The following GALNT14 variants were observed in gnomAD, a reference collection of about 807,000 sequenced individuals.
GALNT14 encodes the protein polypeptide N-acetylgalactosaminyltransferase 14.
GALNT14 carries 60 observed loss-of-function variants against 77.5 expected under a neutral mutation model. That is an observed-to-expected ratio of 0.77 (90% CI 0.63 to 0.96). GALNT14 has a LOEUF of 0.96. Ranked by LOEUF, GALNT14 falls within the 40% of genes least tolerant of loss-of-function variation. The pLI is 0.00. For synonymous variants in GALNT14, 280 were observed against 281.7 expected (o/e 0.99, Z 0.06); for missense variants, 710 against 731.0 (o/e 0.97, Z 0.33).
chr2:31,035,113 T>C (rs1185481337), intron 1 of GALNT14, among the ~76,000 whole-genome samples: 2 of 152,210 alleles, frequency 1.3e-5, no homozygotes, highest in African/African-American at 4.8e-5. Context: ...GCCAAGTTAG[T>C]TTGCGGTGTT....
chr2:30,906,970 A>C (rs1664160769), downstream of GALNT14, among the ~76,000 whole-genome samples: 1 of 152,264 alleles, frequency 6.6e-6, no homozygotes, highest in South Asian at 2.1e-4. Context: ...CTGGGTACAT[A>C]ATGAAATGAA....
chr2:30,995,735 G>A (rs7590752), intron 1 of GALNT14, among the ~76,000 whole-genome samples: 46,399 of 152,080 alleles, frequency 0.31, 7,734 homozygotes, highest in African/African-American at 0.43. Context: ...CCTAGCTTCA[G>A]GCAATCCTTC....
At chr2:30,969,197 A>G (rs540574250) in intron 2 of GALNT14, among the ~76,000 whole-genome samples, 5 of 152,188 alleles carry the variant, frequency 3.3e-5, no homozygotes, top group Non-Finnish European at 7.3e-5. Context: ...GCCCAAGCAG[A>G]GTGACTCAGC....
chr2:31,113,844 C>T (rs142215438), intron 1 of GALNT14, among the ~76,000 whole-genome samples: 106 of 152,198 alleles, frequency 7.0e-4, no homozygotes, highest in African/African-American at 2.2e-3. Context: ...TGGGTAACTG[C>T]CAAATTTCAC....
At position 30,912,357 on chromosome 2, in the gene GALNT14, A is replaced by G; in HGVS notation, c.1381-15T>C. ...AAGGCCCATACCTGGGGAGAAAGAG[A>G]CCAGGAAGGTTTGTTCAGGATCCAG... On this transcript the variant is annotated splice_polypyrimidine_tract_variant and intron_variant, in intron 13 of 14. Coordinates refer to ENST00000349752, the MANE Select transcript of GALNT14 (RefSeq NM_024572.4). The G allele has an allele frequency of 6.2e-7, 1 of 1,613,306 alleles. No individual in the cohort carries two copies. The highest frequency in any genetic ancestry group is 1.7e-5 in the Admixed American group (1 of 59,944).
At chr2:31,059,670 A>T (rs1674465280) in intron 1 of GALNT14, among the ~76,000 whole-genome samples, 1 of 152,154 alleles carries the variant, frequency 6.6e-6, no homozygotes, top group Non-Finnish European at 1.5e-5. Flanking sequence ...GTGCCACTGC[A>T]CTCCAGCCTA....
intron 1 of GALNT14, among the ~76,000 whole-genome samples, chr2:31,117,922 G>A (rs1196235238): frequency 1.3e-5 from 2 of 152,128 alleles, no homozygotes; most frequent in African/African-American, 4.8e-5. Flanking sequence ...CACATTATCT[G>A]GCAGAAGGAG....
chr2:31,108,787 C>T (rs1677692217), intron 1 of GALNT14, among the ~76,000 whole-genome samples: 1 of 152,172 alleles, frequency 6.6e-6, no homozygotes, highest in East Asian at 1.9e-4. Context: ...CTAGCAGGCA[C>T]CCAGCATTCC....
intron 1 of GALNT14, among the ~76,000 whole-genome samples, chr2:31,024,165 AAT>A (rs1671903032): frequency 6.6e-6 from 1 of 151,916 alleles, no homozygotes; most frequent in Non-Finnish European, 1.5e-5. Flanking sequence ...TCCTCCTTGA[AAT>A]ATACTCCATG....
At chr2:30,904,617 A>G in the GALNT14 span, among the ~76,000 whole-genome samples, 10 of 152,146 alleles carry the variant, frequency 6.6e-5, no homozygotes, top group South Asian at 4.1e-4. Flanking sequence ...ACTGCAAGGC[A>G]GCAGCGAGGC....
intron 1 of GALNT14, among the ~76,000 whole-genome samples, chr2:31,137,146 T>C (rs1327223612): frequency 6.6e-6 from 1 of 152,228 alleles, no homozygotes; most frequent in Non-Finnish European, 1.5e-5. Flanking sequence ...ATTATGCCTT[T>C]TCTCCTATTG....
chr2:30,900,210 C>A, the GALNT14 span, among the ~76,000 whole-genome samples: 2 of 152,154 alleles, frequency 1.3e-5, no homozygotes, highest in Non-Finnish European at 2.9e-5. Flanking sequence ...TCCCCTCAAC[C>A]CTTCCATCAC....
intron 1 of GALNT14, among the ~76,000 whole-genome samples, chr2:31,088,325 G>A (rs1367851966): frequency 6.6e-6 from 1 of 152,194 alleles, no homozygotes; most frequent in African/African-American, 2.4e-5. Flanking sequence ...TATTCAGCAA[G>A]TACTCTGTCT....
intron 1 of GALNT14, among the ~76,000 whole-genome samples, chr2:31,135,209 T>C (rs1372213850): frequency 1.3e-5 from 2 of 152,188 alleles, no homozygotes; most frequent in African/African-American, 4.8e-5. Context: ...CATGCAACCC[T>C]GGTAAAAACA....
At chr2:31,010,566 G>T (rs1670966287) in intron 1 of GALNT14, among the ~76,000 whole-genome samples, 1 of 152,206 alleles carries the variant, frequency 6.6e-6, no homozygotes, top group Admixed American at 6.5e-5. Flanking sequence ...AGTGAGCCGG[G>T]ATTGCGCCAC....
At chr2:31,024,207 C>T (rs1416567071) in intron 1 of GALNT14, among the ~76,000 whole-genome samples, 1 of 152,184 alleles carries the variant, frequency 6.6e-6, no homozygotes, top group Non-Finnish European at 1.5e-5. Flanking sequence ...CCACTGTCAC[C>T]TGACCCCATC....
chr2:31,090,981 T>C (rs1025820445), intron 1 of GALNT14, among the ~76,000 whole-genome samples: 2 of 152,198 alleles, frequency 1.3e-5, no homozygotes, highest in African/African-American at 4.8e-5. Context: ...ATATTTTCAC[T>C]TTTAAACCGA....
intron 6 of GALNT14, among the ~76,000 whole-genome samples, chr2:30,947,264 C>CT (rs1213669986): frequency 1.3e-5 from 2 of 152,202 alleles, no homozygotes; most frequent in East Asian, 3.8e-4. Context: ...CTGCTAAAAA[C>CT]TTTAACTGCC....
intron 1 of GALNT14, among the ~76,000 whole-genome samples, chr2:31,119,454 T>C (rs1321628309): frequency 6.6e-6 from 1 of 152,144 alleles, no homozygotes; most frequent in Non-Finnish European, 1.5e-5. Flanking sequence ...AATAAACATA[T>C]GAGAACATAC....
Sources: gnomAD v4.1 joint callset for allele counts (sites outside exome capture counted in the v4.1 genomes callset) on GRCh38, gnomAD v4.1.1 for gene constraint, MANE v1.5 for transcripts, NCBI Gene and HGNC (gene_info 2026-07-23, HGNC 2026-07-21) for gene names.